Variants in VPS13A observed in about 807,000 individuals in gnomAD.
VPS13A encodes vacuolar protein sorting 13 homolog A.
Under a neutral mutation model 390.9 loss-of-function variants are expected in VPS13A, and 264 were observed. The ratio of observed to expected loss-of-function variants is 0.68; its 90% confidence interval spans 0.61 to 0.75. The LOEUF is 0.75. VPS13A is among the 30% of genes least tolerant of loss of function. VPS13A has a pLI of 0.00. For missense variants in VPS13A, 3,409 were observed against 3,733.9 expected (o/e 0.91, Z 2.27); for synonymous variants, 1,231 against 1,227.1 (o/e 1.00, Z -0.07).
At chr9:77,305,394 TG>T (rs1263339619) in intron 34 of VPS13A, among the ~76,000 whole-genome samples, 1 of 152,194 alleles carries the variant, frequency 6.6e-6, no homozygotes, top group African/African-American at 2.4e-5. Context: ...CTATTTATAT[TG>T]GTAAGATAAC....
rs374644896 is a variant in VPS13A, at chr9:77,181,988, T to C, written c.100+4184T>C. Among the ~76,000 whole-genome samples, 26 of 152,362 alleles carry C rather than the reference T, an allele frequency of 1.7e-4. No homozygotes were observed. In the South Asian group the frequency reaches 5.2e-3, roughly 30 times the overall value. On this transcript the variant is annotated intron_variant, in intron 1 of 71. Transcript: ENST00000360280. ...GTAAGGTATACTTTTTATACACTTC[T>C]ATTTATAATTCTCCCTTCCCATATA...
intron 22 of VPS13A, among the ~76,000 whole-genome samples, chr9:77,253,546 C>A (rs1257343505): frequency 1.3e-5 from 2 of 152,240 alleles, no homozygotes; most frequent in East Asian, 3.9e-4. Context: ...ACCTTGTGAT[C>A]CACCCGCCTC....
chr9:77,185,381 C>T (rs957770946), intron 1 of VPS13A, among the ~76,000 whole-genome samples: 2 of 152,134 alleles, frequency 1.3e-5, no homozygotes, highest in East Asian at 3.9e-4. Context: ...ACCTTGTGAT[C>T]CACCTGCCTT....
At chr9:77,272,188 C>T (rs1434949644) in intron 23 of VPS13A, among the ~76,000 whole-genome samples, 1 of 152,104 alleles carries the variant, frequency 6.6e-6, no homozygotes, top group East Asian at 1.9e-4. Context: ...ACTAGGATGA[C>T]ATGGCCAATG....
In VPS13A at chr9:77,177,629, C is replaced by G. The variant is rs1218430046; in HGVS notation, c.-76C>G. The G allele has an allele frequency of 7.2e-7, 1 of 1,389,296 alleles. No homozygotes were observed. Among genetic ancestry groups the G allele is most frequent in the Non-Finnish European group, 1.0e-6 (1 of 990,846 alleles). 86.1% of individuals were successfully genotyped at this position (1,389,296 alleles called of 1,614,324 possible). On this transcript the variant is annotated 5_prime_UTR_variant, in exon 1 of 72. Coordinates refer to ENST00000360280, the MANE Select transcript of VPS13A (RefSeq NM_033305.3). ...CCGGAGCCGGTGAACCGAATTACCT[C>G]GAGGGAGGGGCGTGGGGAAGGCGGC...
intron 16 of VPS13A, 117 bp downstream of exon 16, chr9:77,227,602 C>T (rs1386755762): frequency 1.2e-5 from 9 of 778,720 alleles, no homozygotes; most frequent in African/African-American, 1.7e-5. Context: ...TGCTGCCAGC[C>T]TTAACCTGGC....
Position 77,227,362 on chromosome 9 carries a change from A to G in VPS13A, c.1358-29A>G, listed in dbSNP as rs139845549. The G allele has an allele frequency of 9.8e-3, 14,479 of 1,483,466 alleles. 129 individuals are homozygous for G. Among genetic ancestry groups the G allele is most frequent in the Non-Finnish European group, 0.012 (12,486 of 1,063,742 alleles). The allele number at this position is 1,483,466 out of a possible 1,614,324, so 91.9% of individuals were successfully genotyped here. A position where few individuals can be genotyped will look rare whatever the true frequency, so the allele number is the denominator to read the frequency against. ...GTTAATTTTATTGTTTTTATTTAAG[A>G]ACATAAAGCACTTCTTTCTGATTTG... is the stretch of plus-strand genomic sequence containing the variant. On this transcript the variant is annotated intron_variant, in intron 15 of 71. Transcript: ENST00000360280.
chr9:77,344,263 A>G lies in VPS13A; in HGVS notation c.7137A>G (p.Leu2379=), dbSNP rs1184792396. Residue 2379 remains leucine, a synonymous_variant, in exon 51 of 72, where the codon CTA becomes CTG. Coordinates refer to ENST00000360280, the MANE Select transcript of VPS13A (RefSeq NM_033305.3). ...TTAACAAGCAGGAAAATTGTATTCT[A>G]TTGCGTCTAGATAACGAGGTAAGTT... ...IYFNKQENCI[L]LRLDNELGGI... 4.3e-6 allele frequency: 7 copies of G among 1,613,398 alleles called. No individual in the cohort carries two copies. Among genetic ancestry groups the G allele is most frequent in the East Asian group, 2.2e-5 (1 of 44,738 alleles).
rs1355401755 is a variant in VPS13A, at chr9:77,357,798, C to T, written c.7913C>T (p.Ala2638Val). Residue 2638 changes from alanine to valine, a missense_variant, in exon 56 of 72, where the codon GCA (alanine) becomes GTA (valine). Coordinates refer to ENST00000360280, the MANE Select transcript of VPS13A (RefSeq NM_033305.3). ...TTAAAAGTGGAATATAACACATCTG[C>T]ACATCAATCATCATTTAGAATTCAG... ...PALKVEYNTS[A>V]HQSSFRIQIY... 2 of 1,613,388 alleles carry T rather than the reference C, an allele frequency of 1.2e-6. No individual in the cohort carries two copies. Among genetic ancestry groups the T allele is most frequent in the Admixed American group, 1.7e-5 (1 of 59,954 alleles).
At position 77,339,848 on chromosome 9, in the gene VPS13A, A is replaced by C. The variant is rs1830722047; in HGVS notation, c.6711A>C (p.Pro2237=). The C allele has an allele frequency of 6.2e-7, 1 of 1,613,734 alleles. No homozygotes were observed. Among genetic ancestry groups the C allele is most frequent in the East Asian group, 2.2e-5 (1 of 44,878 alleles). The change falls in exon 48 of 72, where the codon CCA becomes CCC. Residue 2237 remains proline, a synonymous_variant. Transcript: ENST00000360280. ...YKADGIHRKH[P]PNYKKPVLFS... is the part of the protein sequence containing the mutation. ...CAGACGGAATTCATCGAAAGCATCCACCTAATTATAAAAAGCCAGTTCTCT... is the reference window on the plus strand; with the variant it reads ...CAGACGGAATTCATCGAAAGCATCCCCCTAATTATAAAAAGCCAGTTCTCT...
chr9:77,310,309 T>G (rs937295410), intron 35 of VPS13A, among the ~76,000 whole-genome samples: 2 of 151,696 alleles, frequency 1.3e-5, no homozygotes, highest in Non-Finnish European at 2.9e-5. Context: ...CATTAAAAAG[T>G]AAATGAGAAT....
chr9:77,346,571 G>T (rs1278915907), intron 52 of VPS13A, among the ~76,000 whole-genome samples: 1 of 152,020 alleles, frequency 6.6e-6, no homozygotes, highest in Non-Finnish European at 1.5e-5. Flanking sequence ...TTTGCTTTTG[G>T]GTTCTTGGTC....
chr9:77,394,124 A>G (rs1000979923), intron 68 of VPS13A, among the ~76,000 whole-genome samples: 21 of 151,856 alleles, frequency 1.4e-4, no homozygotes, highest in South Asian at 6.2e-4. Context: ...GAGTGCAGTG[A>G]TATGGCCTTG....
chr9:77,421,375 T>C lies in VPS13A; in HGVS notation c.*5369T>C, dbSNP rs1375151762. On this transcript the variant is annotated 3_prime_UTR_variant, in exon 72 of 72. Coordinates refer to ENST00000360280, the MANE Select transcript of VPS13A (RefSeq NM_033305.3). ...AAGTTCTTCCTTTTGAAACTAATCT[T>C]ATTCTTTTATTCCTCTCTCTAAAAA... is the stretch of plus-strand genomic sequence containing the variant. The C allele has an allele frequency of 6.6e-6, 1 of 152,242 alleles. No individual in the cohort carries two copies. Among genetic ancestry groups the C allele is most frequent in the Admixed American group, 6.5e-5 (1 of 15,284 alleles). The allele number at this position is 152,242 out of a possible 1,614,324, so 9.4% of individuals were successfully genotyped here.
chr9:77,177,848 C>A, intron 1 of VPS13A, 44 bp downstream of exon 1: 3 of 1,558,068 alleles, frequency 1.9e-6, no homozygotes, highest in South Asian at 1.1e-5. Flanking sequence ...TCGTGCTTCC[C>A]GGCCGTCTCG....
chr9:77,196,879 T>A (rs889576280), intron 1 of VPS13A, among the ~76,000 whole-genome samples: 1 of 152,194 alleles, frequency 6.6e-6, no homozygotes, highest in Non-Finnish European at 1.5e-5. Flanking sequence ...TGATGGATCA[T>A]ATGGTAATTT....
At chr9:77,404,678 T>A (rs1233603675) in intron 69 of VPS13A, among the ~76,000 whole-genome samples, 1 of 152,220 alleles carries the variant, frequency 6.6e-6, no homozygotes, top group Non-Finnish European at 1.5e-5. Flanking sequence ...CATGGTGCCT[T>A]GACAGAATAA....
At position 77,311,192 on chromosome 9, in the gene VPS13A, G is replaced by A. The variant is rs554609852; in HGVS notation, c.4115-2800G>A. ...CCCTGCCTCGGTCTCCCAAAGTGCT[G>A]GGATTACAGGCGTGAGCCACCATGC... On this transcript the variant is annotated intron_variant, in intron 35 of 71. Transcript: ENST00000360280. Among the ~76,000 whole-genome samples, 3 of 152,124 alleles carry A rather than the reference G, an allele frequency of 2.0e-5. No homozygotes were observed. The East Asian group carries it at 5.8e-4, about 29-fold the overall frequency.
chr9:77,350,769 T>C (rs1831418168), intron 52 of VPS13A: 1 of 158,530 alleles, frequency 6.3e-6, no homozygotes. Context: ...TGAAGTCTTT[T>C]AAATCTGCAG....
Sources: allele counts gnomAD v4.1 joint callset (sites outside exome capture counted in the v4.1 genomes callset), GRCh38; gene constraint gnomAD v4.1.1; transcripts MANE v1.5; gene names NCBI Gene and HGNC (gene_info 2026-07-23, HGNC 2026-07-21).